Variants in PDZD7 observed in about 807,000 individuals in gnomAD.
PDZD7 encodes PDZ domain containing 7, also known as PDZ domain-containing protein 7.
Under a neutral mutation model 84.7 loss-of-function variants are expected in PDZD7, and 72 were observed. The ratio of observed to expected loss-of-function variants is 0.85; its 90% confidence interval spans 0.70 to 1.03. The LOEUF (loss-of-function observed/expected upper bound fraction) is 1.03, where lower values mean the gene tolerates loss of function less well. Ranked by LOEUF, PDZD7 falls within the 50% of genes least tolerant of loss-of-function variation. The pLI, the probability that PDZD7 is intolerant of heterozygous loss-of-function variation, is 0.00. For synonymous variants in PDZD7, 594 were observed against 580.7 expected (o/e 1.02, Z -0.33); for missense variants, 1,490 against 1,412.9 (o/e 1.05, Z -0.87).
chr10:101,010,718 G>T lies in PDZD7; in HGVS notation c.2171C>A (p.Ala724Asp). The T allele has an allele frequency of 8.0e-7, 1 of 1,243,396 alleles. No individual in the cohort carries two copies. The highest frequency in any genetic ancestry group is 1.1e-6 in the Non-Finnish European group (1 of 944,110). The allele number at this position is 1,243,396 out of a possible 1,614,324, so 77.0% of individuals were successfully genotyped here. ...GCAGGCAATTCGGAGGGGGGTGAAG[G>T]CATCTACTGGCACGTCTTGTAGAGG... is the stretch of plus-strand genomic sequence containing the variant. ...IPPLQDVPVD[A>D]FTPLRIACTP... The change falls in exon 15 of 17, where the codon GCC (alanine) becomes GAC (aspartate). Residue 724 changes from alanine to aspartate, a missense_variant. By Grantham distance (126) the Ala-to-Asp change is moderately radical. Transcript: ENST00000619208.
chr10:101,015,458 T>C (rs1040425315), intron 11 of PDZD7, among the ~76,000 whole-genome samples, 178 bp downstream of exon 11: 1 of 141,442 alleles, frequency 7.1e-6, no homozygotes, highest in Admixed American at 7.3e-5. Flanking sequence ...TCCTGTGAGC[T>C]GGCAGATGTG....
chr10:101,015,464 ATG>A (rs10579208), intron 11 of PDZD7, among the ~76,000 whole-genome samples, 170 bp downstream of exon 11: 1,491 of 148,934 alleles, frequency 0.01, 14 homozygotes, highest in Admixed American at 0.018. Context: ...GAGCTGGCAG[ATG>A]TGTGTGTGTG....
At chr10:101,017,877 A>AAGAAAGAAAG in intron 9 of PDZD7, 1 of 280,420 alleles carries the variant, frequency 3.6e-6, no homozygotes, top group South Asian at 4.7e-5. Context: ...GAAAGAAAGA[A>AAGAAAGAAAG]AGAAAGAAAG....
chr10:101,014,714 T>A (rs552778570), intron 11 of PDZD7, among the ~76,000 whole-genome samples: 16 of 148,580 alleles, frequency 1.1e-4, no homozygotes, highest in African/African-American at 4.0e-4. Context: ...GACACGTGCT[T>A]GCTCACATGC....
intron 9 of PDZD7, 187 bp downstream of exon 9, chr10:101,017,892 AAAAGAAAGAAAGAAAGAAAG>A (rs780560274): frequency 9.8e-5 from 14 of 142,512 alleles, no homozygotes; most frequent in Middle Eastern, 4.4e-3. Flanking sequence ...AGAAAGAAAG[AAAAGAAAGAAAGAAAGAAAG>A]AAAAGAAAGA....
At position 101,030,371 on chromosome 10, in the gene PDZD7, T is replaced by C. The variant is rs1363380265; in HGVS notation, c.-152A>G. ...CCTCGCTTGCGATGCCTCTCAGAAGTGTGAGCTCCAGGCCTGGGCAGGGAG... is the reference window on the plus strand; with the variant it reads ...CCTCGCTTGCGATGCCTCTCAGAAGCGTGAGCTCCAGGCCTGGGCAGGGAG... On this transcript the variant is annotated 5_prime_UTR_variant, in exon 2 of 17. Coordinates refer to ENST00000619208, the MANE Select transcript of PDZD7 (RefSeq NM_001195263.2). The C allele has an allele frequency of 8.2e-6, 6 of 732,722 alleles. No homozygotes were observed. Among genetic ancestry groups the C allele is most frequent in the Non-Finnish European group, 1.5e-5 (6 of 413,538 alleles). The allele number at this position is 732,722 out of a possible 1,614,324, so 45.4% of individuals were successfully genotyped here. A position where few individuals can be genotyped will look rare whatever the true frequency, so the allele number is the denominator to read the frequency against.
At chr10:101,008,886 T>C (rs1273832577) in intron 16 of PDZD7, 36 bp from the exon 17 acceptor site, 1 of 1,460,212 alleles carries the variant, frequency 6.8e-7, no homozygotes, top group African/African-American at 1.4e-5. Context: ...CCCTCCCTCC[T>C]CATGTCACCC....
At chr10:101,014,350 G>A (rs190308471) in intron 11 of PDZD7, among the ~76,000 whole-genome samples, 286 of 152,218 alleles carry the variant, frequency 1.9e-3, no homozygotes, top group African/African-American at 6.5e-3. Context: ...GGTTTGGGTG[G>A]TGGTTGAGCT....
rs1314462403 is a variant in PDZD7 at position 101,018,429 on chromosome 10, G to C, written c.1325-133C>G. 37 of 962,448 alleles carry C rather than the reference G, an allele frequency of 3.8e-5. No individual in the cohort carries two copies. In the South Asian group the frequency reaches 4.7e-4, roughly 12 times the overall value. 59.6% of individuals were successfully genotyped at this position (962,448 alleles called of 1,614,324 possible). A position where few individuals can be genotyped will look rare whatever the true frequency, so the allele number is the denominator to read the frequency against. On this transcript the variant is annotated intron_variant, in intron 8 of 16. Coordinates refer to ENST00000619208, the MANE Select transcript of PDZD7 (RefSeq NM_001195263.2). ...AGGATCTGCAGCTACGCCGGGGTGA[G>C]AGTGCGGTTCCTCTTCCGACTTTCT...
At chr10:101,009,371 C>T (rs370075144) in intron 15 of PDZD7, 21 bp from the exon 16 acceptor site, 39 of 1,526,418 alleles carry the variant, frequency 2.6e-5, no homozygotes, top group East Asian at 4.9e-5. Context: ...GGAGAAACAC[C>T]GTGTGAGAGT....
chr10:101,015,892 C>A lies in PDZD7; in HGVS notation c.1574-81G>T. 2.1e-6 allele frequency: 3 copies of A among 1,433,180 alleles called. No homozygotes were observed. The East Asian group carries it at 7.5e-5, about 36-fold the overall frequency. The allele number at this position is 1,433,180 out of a possible 1,614,324, so 88.8% of individuals were successfully genotyped here. On this transcript the variant is annotated intron_variant, in intron 10 of 16. Coordinates refer to ENST00000619208, the MANE Select transcript of PDZD7 (RefSeq NM_001195263.2). ...GCCCCAGAATTGGCCAGCTGAGAGC[C>A]CAGGTACCTGGGGCAGAATCCTAGC...
intron 5 of PDZD7, 97 bp downstream of exon 5, chr10:101,022,112 G>C (rs1853143618): frequency 3.2e-6 from 5 of 1,578,386 alleles, no homozygotes; most frequent in Non-Finnish European, 4.3e-6. Context: ...TGGTTGGCCA[G>C]GCCTCACTTG....
chr10:101,016,627 G>GT (rs1852642903), intron 9 of PDZD7, among the ~76,000 whole-genome samples, 200 bp from the exon 10 acceptor site: 1 of 152,264 alleles, frequency 6.6e-6, no homozygotes, highest in Non-Finnish European at 1.5e-5. Flanking sequence ...AGTCAGGACG[G>GT]TTTTGGATCA....
chr10:101,010,586 C>T lies in PDZD7; in HGVS notation c.2303G>A (p.Gly768Asp). Residue 768 changes from glycine (G) to aspartate (D), a missense_variant, in exon 15 of 17, where the codon GGC (glycine) becomes GAC (aspartate). Physicochemically the swap from Gly to Asp is moderately conservative, Grantham distance 94. Coordinates refer to ENST00000619208, the MANE Select transcript of PDZD7 (RefSeq NM_001195263.2). ...REHPPQSQIR[G>D]RAQSRSRSRS... is the part of the protein sequence containing the mutation. ...GCTGCGGCTACGGCTCTGAGCCCGGCCCCGGATCTGGCTCTGCGGAGGGTG... is the reference window on the plus strand; with the variant it reads ...GCTGCGGCTACGGCTCTGAGCCCGGTCCCGGATCTGGCTCTGCGGAGGGTG... The T allele has an allele frequency of 6.6e-7, 1 of 1,513,274 alleles. No individual in the cohort carries two copies. The highest frequency in any genetic ancestry group is 8.8e-7 in the Non-Finnish European group (1 of 1,132,370). The allele number at this position is 1,513,274 out of a possible 1,614,324, so 93.7% of individuals were successfully genotyped here. A position where few individuals can be genotyped will look rare whatever the true frequency, so the allele number is the denominator to read the frequency against.
Position 101,010,278 on chromosome 10 carries a change from A to T in PDZD7, c.2611T>A (p.Ser871Thr), listed in dbSNP as rs780723619. 6.6e-6 allele frequency: 10 copies of T among 1,525,406 alleles called. No individual in the cohort carries two copies. The Admixed American group carries it at 1.8e-4, about 27-fold the overall frequency. The allele number at this position is 1,525,406 out of a possible 1,614,324, so 94.5% of individuals were successfully genotyped here. The change falls in exon 15 of 17, where the codon TCC becomes ACC. Residue 871 changes from serine to threonine, a missense_variant. Transcript: ENST00000619208. ...CAGTCCCACGTGGACTCACCTAAGG[A>T]CTGCTTCATCTTGGACAGTGTCACT... is the stretch of plus-strand genomic sequence containing the variant. ...KTVTLSKMKQ[S>T]LGISISGGIE...
At position 101,010,876 on chromosome 10, in the gene PDZD7, G is replaced by T; in HGVS notation, c.2013C>A (p.Arg671=). The T allele has an allele frequency of 6.5e-7, 1 of 1,533,806 alleles. No individual in the cohort carries two copies. The highest frequency in any genetic ancestry group is 1.2e-5 in the South Asian group (1 of 83,982). The change falls in exon 15 of 17, where the codon CGC becomes CGA. Residue 671 remains arginine (R), a synonymous_variant. Transcript: ENST00000619208. The part of the protein sequence containing the change: ...RHLITPVPDS[R]GGFYLLPVNG... ...TCACCGGCAGCAGGTAGAAGCCTCC[G>T]CGGCTGTCTGGGGAAGAGCGCCAAG...
Position 101,017,883 on chromosome 10 carries a change from GAAAGAAAGA to G in PDZD7, c.1522+207_1522+215del, listed in dbSNP as rs757879415. On this transcript the variant is annotated intron_variant, in intron 9 of 16. Coordinates refer to ENST00000619208, the MANE Select transcript of PDZD7 (RefSeq NM_001195263.2). ...AGAAAGAAAGAAAGAAAGAAAGAAA[GAAAGAAAGA>G]AAAGAAAGAAAGAAAGAAAGAAAAG... 0.052 allele frequency: 12,257 copies of G among 235,822 alleles called. 443 individuals carry two copies. The highest frequency in any genetic ancestry group is 0.078 in the Non-Finnish European group (9,492 of 121,976). 14.6% of individuals were successfully genotyped at this position (235,822 alleles called of 1,614,324 possible).
chr10:101,010,600 C>T lies in PDZD7; in HGVS notation c.2289G>A (p.Gln763=). ...TCTGAGCCCGGCCCCGGATCTGGCT[C>T]TGCGGAGGGTGCTCTCGGCTCAGGG... The part of the protein sequence containing the change: ...TEPLSREHPP[Q]SQIRGRAQSR... The change falls in exon 15 of 17, where the codon CAG becomes CAA. Residue 763 remains glutamine, a synonymous_variant. Transcript: ENST00000619208. 1 of 1,508,896 alleles carries T rather than the reference C, an allele frequency of 6.6e-7. No homozygotes were observed. The highest frequency in any genetic ancestry group is 8.8e-7 in the Non-Finnish European group (1 of 1,130,106). 93.5% of individuals were successfully genotyped at this position (1,508,896 alleles called of 1,614,324 possible).
At chr10:101,028,670 A>G (rs796727433) in intron 2 of PDZD7, among the ~76,000 whole-genome samples, 21 of 152,118 alleles carry the variant, frequency 1.4e-4, no homozygotes, top group African/African-American at 4.8e-4. Context: ...GGGGAGAGAG[A>G]GAGAAACAGA....
Sources: allele counts gnomAD v4.1 joint callset (sites outside exome capture counted in the v4.1 genomes callset), GRCh38; gene constraint gnomAD v4.1.1; transcripts MANE v1.5; gene names NCBI Gene and HGNC (gene_info 2026-07-23, HGNC 2026-07-21).